Variants in KCNK16 observed in about 807,000 individuals in gnomAD.
KCNK16 encodes potassium two pore domain channel subfamily K member 16.
Under a neutral mutation model 23.0 loss-of-function variants are expected in KCNK16, and 23 were observed. The observed-to-expected ratio is 1.00, with a 90% CI of 0.72 to 1.41. The LOEUF (loss-of-function observed/expected upper bound fraction) is 1.41, where lower values mean the gene tolerates loss of function less well. Among genes scored for constraint, KCNK16 ranks in the 40% most tolerant of loss-of-function variants. The probability of loss-of-function intolerance (pLI) is 0.00; values close to 1 mark genes in which losing one functional copy is unlikely to be tolerated. For synonymous variants in KCNK16, 145 were observed against 153.5 expected (o/e 0.94, Z 0.41); for missense variants, 327 against 365.8 (o/e 0.89, Z 0.87).
chr6:39,318,065 GA>G, intron 2 of KCNK16, 113 bp from the exon 3 acceptor site: 4 of 1,042,550 alleles, frequency 3.8e-6, no homozygotes, highest in Non-Finnish European at 5.3e-6. Flanking sequence ...GTGAGAAGGG[GA>G]AGCTCCCCTG....
chr6:39,315,292 TGA>T, downstream of KCNK16: 4 of 1,567,166 alleles, frequency 2.6e-6, no homozygotes, highest in Non-Finnish European at 3.5e-6. Flanking sequence ...AATGCATTCC[TGA>T]GAGAGGCCAG....
At chr6:39,317,033 A>G (rs1762345215) in intron 3 of KCNK16, 86 bp from the exon 4 acceptor site, 1 of 1,374,440 alleles carries the variant, frequency 7.3e-7, no homozygotes, top group East Asian at 2.3e-5. Context: ...TAAACATGGG[A>G]ATGGGACTGG....
chr6:39,317,466 G>C lies in KCNK16; in HGVS notation c.495+320C>G, dbSNP rs3757211. Among the ~76,000 whole-genome samples the C allele has an allele frequency of 4.3e-4, 65 of 152,314 alleles. No individual in the cohort carries two copies. The East Asian group carries it at 0.012, about 28-fold the overall frequency. On this transcript the variant is annotated intron_variant, in intron 3 of 4. Transcript: ENST00000437525. ...GTGTTCAGCTGCAGAGAACCTCCTG[G>C]CCTAGGGGCATACCCTTCCTGGGAA...
downstream of KCNK16, chr6:39,315,284 T>A: frequency 6.4e-7 from 1 of 1,574,232 alleles, no homozygotes; most frequent in Non-Finnish European, 8.6e-7. Flanking sequence ...ACCTGGAGAA[T>A]GCATTCCTGA....
chr6:39,321,169 G>A (rs1109772), intron 1 of KCNK16, among the ~76,000 whole-genome samples: 9,922 of 152,242 alleles, frequency 0.065, 581 homozygotes, highest in African/African-American at 0.15. Context: ...CGGCAGGTGC[G>A]GAGTGGGGCT....
downstream of KCNK16, chr6:39,315,175 T>A: frequency 6.2e-7 from 1 of 1,614,210 alleles, no homozygotes; most frequent in Non-Finnish European, 8.5e-7. Flanking sequence ...TGCTGTTGGA[T>A]GATGGGAGAG....
chr6:39,320,972 AAG>A (rs1762493372), intron 1 of KCNK16, among the ~76,000 whole-genome samples: 1 of 152,106 alleles, frequency 6.6e-6, no homozygotes, highest in African/African-American at 2.4e-5. Context: ...CATCAGGGAG[AAG>A]AGAGTAAAAC....
At chr6:39,315,082 T>TGGGTCTCCTGCCTG (rs568384493), downstream of KCNK16, 648 of 1,614,208 alleles carry the variant, frequency 4.0e-4, 2 homozygotes, top group African/African-American at 7.1e-3. Context: ...GAGCCTCTCC[T>TGGGTCTCCTGCCTG]GGGTCTCCTG....
At position 39,321,235 on chromosome 6, in the gene KCNK16, A is replaced by ACACTTTGAGAACTGCTGCTTCAGG. The variant is rs1762506454; in HGVS notation, c.213+1069_213+1092dup. On this transcript the variant is annotated intron_variant, in intron 1 of 4. Coordinates refer to ENST00000437525, the MANE Select transcript of KCNK16 (RefSeq NM_001135106.2). ...TGATGCTGATTCTGGTCCCGGGACT[A>ACACTTTGAGAACTGCTGCTTCAGG]CACTTTGAGAACTGCTGCTTCAGGT... 2.6e-5 allele frequency among the ~76,000 whole-genome samples: 4 copies of ACACTTTGAGAACTGCTGCTTCAGG among 152,144 alleles called. No individual in the cohort carries two copies. In the South Asian group the frequency reaches 8.3e-4, roughly 31 times the overall value.
chr6:39,316,707 C>T (rs567910441), intron 4 of KCNK16, 75 bp downstream of exon 4: 14 of 1,519,794 alleles, frequency 9.2e-6, no homozygotes, highest in African/African-American at 1.4e-5. Context: ...TAGTTGTCCT[C>T]AGCTGACATC....
At position 39,319,032 on chromosome 6, in the gene KCNK16, G is replaced by A. The variant is rs1486748661; in HGVS notation, c.315C>T (p.Val105=). 14 of 1,613,050 alleles carry A rather than the reference G, an allele frequency of 8.7e-6. No homozygotes were observed. Among genetic ancestry groups the A allele is most frequent in the East Asian group, 2.2e-5 (1 of 44,868 alleles). Residue 105 remains valine (V), a synonymous_variant, in exon 2 of 5, where the codon GTC becomes GTT. Coordinates refer to ENST00000437525, the MANE Select transcript of KCNK16 (RefSeq NM_001135106.2). This position sits in a 1 kb window ranked among gnomAD's most constrained non-coding sequence, Gnocchi z 4.2. ...CCAGCCCTTTACCTATGGTAGTGAC[G>A]ACTGTGCCTGCAAAGAAGAAACTGC... is the stretch of plus-strand genomic sequence containing the variant. ...FGSSFFFAGT[V]VTTIGYGNLA...
At chr6:39,315,776 C>T (rs1762286633), downstream of KCNK16, among the ~76,000 whole-genome samples, 1 of 152,220 alleles carries the variant, frequency 6.6e-6, no homozygotes, top group Non-Finnish European at 1.5e-5. Flanking sequence ...CAAGGGCAGG[C>T]ACTTCCACTG....
Sources: allele counts gnomAD v4.1 joint callset (sites outside exome capture counted in the v4.1 genomes callset), GRCh38; gene constraint gnomAD v4.1.1; non-coding constraint Gnocchi (gnomAD v3.1); transcripts MANE v1.5; gene names NCBI Gene and HGNC (gene_info 2026-07-23, HGNC 2026-07-21).